The following TTLL12 variants were observed in gnomAD, a reference collection of about 807,000 sequenced individuals.
TTLL12 encodes tubulin--tyrosine ligase-like protein 12.
In TTLL12, 77 loss-of-function variants were observed where a neutral mutation model predicts 79.6. The ratio of observed to expected loss-of-function variants is 0.97; its 90% CI spans 0.81 to 1.17. The LOEUF is 1.17. Among genes scored for constraint, TTLL12 ranks in the 50% most tolerant of loss-of-function variants. TTLL12 has a pLI of 0.00. For synonymous variants in TTLL12, 437 were observed against 376.1 expected (o/e 1.16, Z -1.87); for missense variants, 969 against 895.9 (o/e 1.08, Z -1.04).
chr22:43,179,419 C>T (rs994459150), intron 5 of TTLL12, among the ~76,000 whole-genome samples, 200 bp downstream of exon 5: 2 of 152,016 alleles, frequency 1.3e-5, no homozygotes, highest in Non-Finnish European at 2.9e-5. Flanking sequence ...GATCTGGAGC[C>T]CCCACCGTGC....
chr22:43,179,888 T>G lies in TTLL12; in HGVS notation c.659A>C (p.Gln220Pro), dbSNP rs780210106. The G allele has an allele frequency of 3.1e-6, 5 of 1,610,538 alleles. No individual in the cohort carries two copies. The South Asian group carries it at 5.5e-5, about 18-fold the overall frequency. The part of the protein sequence containing the change: ...ATAPFFYMPQ[Q>P]VAYTLLWPLR... ...GGGCCACAGCAGCGTGTAGGCCACC[T>G]GCTGCGGCATGTAGAAGAAGGGTGC... The change falls in exon 4 of 14, where the codon CAG becomes CCG. Residue 220 changes from glutamine to proline, a missense_variant. Coordinates refer to ENST00000216129, the MANE Select transcript of TTLL12 (RefSeq NM_015140.4).
At chr22:43,178,666 G>A (rs1050297572) in intron 5 of TTLL12, among the ~76,000 whole-genome samples, 3 of 152,096 alleles carry the variant, frequency 2.0e-5, no homozygotes, top group Non-Finnish European at 2.9e-5. Context: ...AACCCTTCCC[G>A]AAACCCTCCG....
rs543794352 is a variant in TTLL12 at position 43,171,885 on chromosome 22, G to C, written c.1509C>G (p.Asn503Lys). Reference sequence around the variant, plus strand: ...AGTGCTTCTCGTAGTCATCCAGGTCGTTGAGTGCAAAGGCCCTGGAAGACA... The same window carrying C: ...AGTGCTTCTCGTAGTCATCCAGGTCCTTGAGTGCAAAGGCCCTGGAAGACA... ...LRFSNRAFAL[N>K]DLDDYEKHFT... The change falls in exon 11 of 14, where the codon AAC (asparagine) becomes AAG (lysine). Residue 503 changes from asparagine to lysine, a missense_variant. Physicochemically the swap from Asn to Lys is moderately conservative, Grantham distance 94. Transcript: ENST00000216129. The C allele has an allele frequency of 3.7e-6, 6 of 1,614,126 alleles. No homozygotes were observed. The Admixed American group carries it at 1.0e-4, about 27-fold the overall frequency.
chr22:43,185,223 G>C (rs1932148412), intron 1 of TTLL12, among the ~76,000 whole-genome samples: 1 of 142,580 alleles, frequency 7.0e-6, no homozygotes, highest in South Asian at 2.2e-4. Context: ...GCAAGACTCC[G>C]TCTCAATTAA....
At chr22:43,178,513 G>A (rs1291232522) in intron 5 of TTLL12, among the ~76,000 whole-genome samples, 1 of 152,048 alleles carries the variant, frequency 6.6e-6, no homozygotes, top group Non-Finnish European at 1.5e-5. Context: ...AGTAGAGACG[G>A]GGTTTCACCG....
chr22:43,184,110 G>T (rs528068214), intron 1 of TTLL12, among the ~76,000 whole-genome samples: 1 of 152,352 alleles, frequency 6.6e-6, no homozygotes, highest in South Asian at 2.1e-4. Flanking sequence ...GTGAGAGGGG[G>T]TGTCATCCAC....
rs1931721311 is a variant in TTLL12 at position 43,169,887 on chromosome 22, G to T, written c.1576-319C>A. 8.4e-6 allele frequency: 4 copies of T among 477,946 alleles called. No individual in the cohort carries two copies. The East Asian group carries it at 2.5e-4, about 30-fold the overall frequency. 29.6% of individuals were successfully genotyped at this position (477,946 alleles called of 1,614,324 possible). ...CTCACGCGAGACAATGAACATCGAG[G>T]GCTCCAGAAACTGCAGGGCCTGGGC... On this transcript the variant is annotated intron_variant, in intron 11 of 13. Coordinates refer to ENST00000216129, the MANE Select transcript of TTLL12 (RefSeq NM_015140.4).
chr22:43,184,334 T>C (rs1271304880), intron 1 of TTLL12, among the ~76,000 whole-genome samples: 1 of 152,198 alleles, frequency 6.6e-6, no homozygotes, highest in Admixed American at 6.5e-5. Context: ...TCACTCAAGG[T>C]CTCGCTCAGG....
chr22:43,185,250 TATATA>T (rs1932151138), intron 1 of TTLL12, among the ~76,000 whole-genome samples: 3 of 332 alleles, frequency 9.0e-3, no homozygotes, highest in Admixed American at 0.052. Context: ...AAAAAAATTA[TATATA>T]TATATATATA....
In TTLL12 at chr22:43,183,003, C is replaced by A; in HGVS notation, c.324G>T (p.Gly108=). The change falls in exon 2 of 14, where the codon GGG becomes GGT. Residue 108 remains glycine, a synonymous_variant. Transcript: ENST00000216129. The part of the protein sequence containing the change: ...CYKVIVTRES[G]LQAAHPNSIF... Reference sequence around the variant, plus strand: ...ACCTGTTGGGGTGGGCTGCCTGGAGCCCGCTCTCCCTGGTCACGATGACCT... The same window carrying A: ...ACCTGTTGGGGTGGGCTGCCTGGAGACCGCTCTCCCTGGTCACGATGACCT... The A allele has an allele frequency of 6.2e-7, 1 of 1,613,738 alleles. No homozygotes were observed. The highest frequency in any genetic ancestry group is 8.5e-7 in the Non-Finnish European group (1 of 1,179,804).
intron 1 of TTLL12, among the ~76,000 whole-genome samples, chr22:43,185,193 A>G (rs1932147531): frequency 6.9e-6 from 1 of 145,140 alleles, no homozygotes; most frequent in Admixed American, 7.0e-5. Context: ...ATGCCACTGC[A>G]CTCCAGCCTG....
At chr22:43,184,013 C>T (rs554865761) in intron 1 of TTLL12, among the ~76,000 whole-genome samples, 11 of 152,338 alleles carry the variant, frequency 7.2e-5, no homozygotes, top group African/African-American at 2.6e-4. Flanking sequence ...TGATTCATAC[C>T]CAGAACTCAG....
Position 43,186,920 on chromosome 22 carries a change from G to T in TTLL12, c.150C>A (p.Gly50=). ...RASGVPERYW[G]RLLHKLEHEV... ...CGTGCTCCAGCTTGTGCAGGAGGCGGCCCCAGTAACGTTCGGGGACCCCCG... is the reference window on the plus strand; with the variant it reads ...CGTGCTCCAGCTTGTGCAGGAGGCGTCCCCAGTAACGTTCGGGGACCCCCG... The change falls in exon 1 of 14, where the codon GGC becomes GGA. Residue 50 remains glycine (G), a synonymous_variant. Coordinates refer to ENST00000216129, the MANE Select transcript of TTLL12 (RefSeq NM_015140.4). The T allele has an allele frequency of 1.5e-6, 2 of 1,359,080 alleles. No individual in the cohort carries two copies. The highest frequency in any genetic ancestry group is 1.9e-6 in the Non-Finnish European group (2 of 1,053,142). The allele number at this position is 1,359,080 out of a possible 1,614,324, so 84.2% of individuals were successfully genotyped here. A position where few individuals can be genotyped will look rare whatever the true frequency, so the allele number is the denominator to read the frequency against.
At chr22:43,185,280 T>C (rs1350885511) in intron 1 of TTLL12, among the ~76,000 whole-genome samples, 2 of 67,846 alleles carry the variant, frequency 2.9e-5, no homozygotes, top group Non-Finnish European at 7.4e-5. Flanking sequence ...TATATATATA[T>C]ATATATATAT....
intron 9 of TTLL12, among the ~76,000 whole-genome samples, chr22:43,173,404 G>A (rs540293151): frequency 5.3e-5 from 8 of 152,250 alleles, no homozygotes; most frequent in South Asian, 2.1e-4. Context: ...TCAACCTCCC[G>A]GGCTCAAGTG....
chr22:43,186,653 G>A (rs1452505442), intron 1 of TTLL12, among the ~76,000 whole-genome samples: 2 of 152,140 alleles, frequency 1.3e-5, no homozygotes, highest in African/African-American at 4.8e-5. Context: ...AGGACCTAAA[G>A]TTCCCAACGC....
Position 43,172,049 on chromosome 22 carries a change from T to C in TTLL12, c.1494-149A>G. 4.2e-6 allele frequency: 3 copies of C among 712,572 alleles called. No individual in the cohort carries two copies. The South Asian group carries it at 5.2e-5, about 12-fold the overall frequency. 44.1% of individuals were successfully genotyped at this position (712,572 alleles called of 1,614,324 possible). A position where few individuals can be genotyped will look rare whatever the true frequency, so the allele number is the denominator to read the frequency against. On this transcript the variant is annotated intron_variant, in intron 10 of 13. Coordinates refer to ENST00000216129, the MANE Select transcript of TTLL12 (RefSeq NM_015140.4). ...AGGCGGGAGCCTGTTCCCTTGTCTG[T>C]GTGGCTGGGGGAGCCCCACAGCCCC... is the stretch of plus-strand genomic sequence containing the variant.
intron 1 of TTLL12, among the ~76,000 whole-genome samples, chr22:43,184,988 G>A (rs547131528): frequency 2.6e-5 from 4 of 152,104 alleles, no homozygotes; most frequent in Non-Finnish European, 5.9e-5. Flanking sequence ...CCAACACTTC[G>A]GGAGGCCAAA....
rs1353803549 is a variant in TTLL12 at position 43,174,324 on chromosome 22, C to T, written c.1114G>A (p.Ala372Thr). 6.2e-7 allele frequency: 1 copy of T among 1,609,464 alleles called. No homozygotes were observed. ...CCACCTGCCCGGCGCGCGATGGAGG[C>T]CAGGCAGTCCTTGACAGTCAGCAGG... ...ENLLTVKDCLASIARRAGGPE... is the reference protein window; with the variant it reads ...ENLLTVKDCLTSIARRAGGPE... The change falls in exon 8 of 14, where the codon GCC becomes ACC. Residue 372 changes from alanine (A) to threonine (T), a missense_variant. Transcript: ENST00000216129.
Sources: gnomAD v4.1 joint callset for allele counts (sites outside exome capture counted in the v4.1 genomes callset) on GRCh38, gnomAD v4.1.1 for gene constraint, MANE v1.5 for transcripts, NCBI Gene and HGNC (gene_info 2026-07-23, HGNC 2026-07-21) for gene names.